The following MAGI3 variants were observed in gnomAD, a reference collection of about 807,000 sequenced individuals.
The protein encoded by MAGI3 is membrane associated guanylate kinase, WW and PDZ domain containing 3, also known as membrane-associated guanylate kinase, WW and PDZ domain-containing protein 3.
Under a neutral mutation model 121.8 loss-of-function variants are expected in MAGI3, and 43 were observed. The ratio of observed to expected loss-of-function variants is 0.35; its 90% CI spans 0.28 to 0.46. The LOEUF is 0.46. Among genes scored for constraint, MAGI3 ranks in the 20% least tolerant of loss-of-function variants. MAGI3 has a pLI of 1.00. For missense variants in MAGI3, 1,547 were observed against 1,797.3 expected (o/e 0.86, Z 2.52); for synonymous variants, 553 against 639.3 (o/e 0.86, Z 2.04).
In MAGI3 at chr1:113,629,794, G is replaced by GTC. The variant is rs1651505936; in HGVS notation, c.1360+6808_1360+6809dup. Among the ~76,000 whole-genome samples, 7 of 65,490 alleles carry GTC rather than the reference G, an allele frequency of 1.1e-4. No individual in the cohort carries two copies. The Admixed American group carries it at 1.5e-3, about 14-fold the overall frequency. The allele number at this position is 65,490 out of a possible 152,430, so 43.0% of individuals were successfully genotyped here. On this transcript the variant is annotated intron_variant, in intron 9 of 20. Coordinates refer to ENST00000307546, the MANE Select transcript of MAGI3 (RefSeq NM_001142782.2). ...TCCCTCCCTCCCTCCCTCACTCTCT[G>GTC]TCTCTCTCTTTCTCTCTCTCTGTGC...
At chr1:113,505,185 G>A (rs1657256314) in intron 1 of MAGI3, among the ~76,000 whole-genome samples, 1 of 152,100 alleles carries the variant, frequency 6.6e-6, no homozygotes, top group Non-Finnish European at 1.5e-5. Flanking sequence ...AACTCAAAGA[G>A]CAAGTCAAGA....
intron 1 of MAGI3, among the ~76,000 whole-genome samples, chr1:113,475,571 AG>A (rs1451151332): frequency 2.0e-5 from 3 of 152,192 alleles, no homozygotes; most frequent in Admixed American, 6.5e-5. Context: ...CTTGAATCCC[AG>A]GGATGAAGCT....
chr1:113,576,933 T>C (rs1228487427), intron 2 of MAGI3: 1 of 152,204 alleles, frequency 6.6e-6, no homozygotes, highest in African/African-American at 2.4e-5. Flanking sequence ...GGAAAAATCT[T>C]ATAAGCCTCA....
chr1:113,603,110 A>G (rs1342088816), intron 6 of MAGI3, among the ~76,000 whole-genome samples: 1 of 147,168 alleles, frequency 6.8e-6, no homozygotes, highest in African/African-American at 2.7e-5. Context: ...TTCGAAATGA[A>G]AATGAAAATG....
At chr1:113,487,486 G>C (rs1656438774) in intron 1 of MAGI3, among the ~76,000 whole-genome samples, 1 of 151,982 alleles carries the variant, frequency 6.6e-6, no homozygotes, top group African/African-American at 2.4e-5. Flanking sequence ...TGAGCAGTAG[G>C]ATAAAAATAA....
Position 113,684,320 on chromosome 1 carries a change from A to AT in MAGI3, c.*306_*307insT, listed in dbSNP as rs1648419553. 1 of 206,266 alleles carries AT rather than the reference A, an allele frequency of 4.8e-6. No homozygotes were observed. The highest frequency in any genetic ancestry group is 5.2e-5 in the Admixed American group (1 of 19,322). The allele number at this position is 206,266 out of a possible 1,614,324, so 12.8% of individuals were successfully genotyped here. A position where few individuals can be genotyped will look rare whatever the true frequency, so the allele number is the denominator to read the frequency against. Reference sequence around the variant, plus strand: ...ACAAATGACATATGTTGATATTAACAATGTGGTCACAACTCACTTTGTATT... The same window carrying AT: ...ACAAATGACATATGTTGATATTAACATATGTGGTCACAACTCACTTTGTATT... On this transcript the variant is annotated 3_prime_UTR_variant, in exon 21 of 21. Transcript: ENST00000307546.
chr1:113,559,507 G>C (rs1660134147), intron 2 of MAGI3, among the ~76,000 whole-genome samples: 1 of 152,086 alleles, frequency 6.6e-6, no homozygotes, highest in South Asian at 2.1e-4. Context: ...TCAACAATAA[G>C]AGCCAACTAC....
At chr1:113,504,738 T>C (rs1657224616) in intron 1 of MAGI3, among the ~76,000 whole-genome samples, 1 of 152,124 alleles carries the variant, frequency 6.6e-6, no homozygotes, top group African/African-American at 2.4e-5. Flanking sequence ...ATAAAAGTAC[T>C]GGTATGTACA....
chr1:113,606,185 T>G (rs1649763249), intron 6 of MAGI3, among the ~76,000 whole-genome samples: 1 of 152,080 alleles, frequency 6.6e-6, no homozygotes, highest in African/African-American at 2.4e-5. Context: ...CAGGCTGGTC[T>G]GAAACTCCTG....
chr1:113,508,820 G>C (rs1175804285), intron 1 of MAGI3, among the ~76,000 whole-genome samples: 1 of 152,028 alleles, frequency 6.6e-6, no homozygotes, highest in African/African-American at 2.4e-5. Flanking sequence ...CTGAGAAATT[G>C]ATTGATTTTT....
chr1:113,600,116 TA>T (rs1490731297), intron 6 of MAGI3, among the ~76,000 whole-genome samples: 7 of 152,264 alleles, frequency 4.6e-5, no homozygotes, highest in Middle Eastern at 3.4e-3. Context: ...ACCAATATCA[TA>T]CTGAATGGGC....
chr1:113,683,227 G>C lies in MAGI3; in HGVS notation c.3659G>C (p.Arg1220Thr). Residue 1220 changes from arginine to threonine, a missense_variant, in exon 21 of 21, where the codon AGA (arginine) becomes ACA (threonine). By Grantham distance (71) the Arg-to-Thr change is moderately conservative. Coordinates refer to ENST00000307546, the MANE Select transcript of MAGI3 (RefSeq NM_001142782.2). ...GAAAATGGTGTTACACGAAGAGGTA[G>C]ATCGGTTAGTCCCAAAAAGCCAGCC... ...KVENGVTRRG[R>T]SVSPKKPASQ... The C allele has an allele frequency of 6.2e-7, 1 of 1,613,890 alleles. No homozygotes were observed. The highest frequency in any genetic ancestry group is 8.5e-7 in the Non-Finnish European group (1 of 1,179,878).
chr1:113,511,466 T>C (rs1048615622), intron 1 of MAGI3, among the ~76,000 whole-genome samples: 3 of 152,218 alleles, frequency 2.0e-5, no homozygotes, highest in Admixed American at 2.0e-4. Context: ...GCAAGGCAAT[T>C]CACTTCTGAA....
intron 1 of MAGI3, among the ~76,000 whole-genome samples, chr1:113,467,626 G>A (rs1341863358): frequency 1.3e-5 from 2 of 152,040 alleles, no homozygotes; most frequent in African/African-American, 4.8e-5. Context: ...TCAACCTCCT[G>A]GGTTCGAGTG....
intron 19 of MAGI3, among the ~76,000 whole-genome samples, chr1:113,674,848 C>T (rs766784258): frequency 3.3e-5 from 5 of 152,028 alleles, no homozygotes; most frequent in Non-Finnish European, 7.4e-5. Context: ...TGCACAAGTT[C>T]AAAGGGATGA....
intron 1 of MAGI3, among the ~76,000 whole-genome samples, chr1:113,533,572 C>T (rs75605179): frequency 0.064 from 9,759 of 152,042 alleles, 345 homozygotes; most frequent in Non-Finnish European, 0.074. Context: ...GCACGTGTAT[C>T]CCCCGAACCT....
At chr1:113,405,991 A>G (rs910246146) in intron 1 of MAGI3, among the ~76,000 whole-genome samples, 2 of 152,040 alleles carry the variant, frequency 1.3e-5, no homozygotes, top group Non-Finnish European at 2.9e-5. Context: ...ACATCCGTAT[A>G]TATGTTTTTT....
intron 1 of MAGI3, among the ~76,000 whole-genome samples, chr1:113,492,884 G>T (rs1656737233): frequency 6.6e-6 from 1 of 152,126 alleles, no homozygotes; most frequent in South Asian, 2.1e-4. Context: ...ATTGGTTAAA[G>T]AAATCAGAGA....
intron 9 of MAGI3, among the ~76,000 whole-genome samples, chr1:113,641,065 T>TG (rs1652473637): frequency 1.8e-5 from 1 of 54,508 alleles, no homozygotes; most frequent in African/African-American, 7.9e-5. Context: ...TTATATATGA[T>TG]ATATATAATA....
Sources: gnomAD v4.1 joint callset for allele counts (sites outside exome capture counted in the v4.1 genomes callset) on GRCh38, gnomAD v4.1.1 for gene constraint, MANE v1.5 for transcripts, NCBI Gene and HGNC (gene_info 2026-07-23, HGNC 2026-07-21) for gene names.